VWA8: variants seen among roughly 807,000 people sequenced by gnomAD.
VWA8 encodes von Willebrand factor A domain-containing protein 8.
Under a neutral mutation model 241.5 loss-of-function variants are expected in VWA8, and 221 were observed. The ratio of observed to expected loss-of-function variants is 0.91; its 90% CI spans 0.82 to 1.02. The LOEUF is 1.02. Among genes scored for constraint, VWA8 ranks in the 50% least tolerant of loss-of-function variants. The pLI is 0.00. For synonymous variants in VWA8, 852 were observed against 827.1 expected (o/e 1.03, Z -0.52); for missense variants, 2,322 against 2,328.7 (o/e 1.00, Z 0.06).
intron 21 of VWA8, among the ~76,000 whole-genome samples, chr13:41,754,094 A>T (rs1301394271): frequency 1.3e-5 from 2 of 152,088 alleles, no homozygotes; most frequent in Non-Finnish European, 2.9e-5. Context: ...GTCAGTAAAA[A>T]ATCTTCAGTG....
At chr13:41,830,828 T>G (rs1467567677) in intron 13 of VWA8, among the ~76,000 whole-genome samples, 186 bp from the exon 14 acceptor site, 2 of 152,092 alleles carry the variant, frequency 1.3e-5, no homozygotes, top group Non-Finnish European at 2.9e-5. Context: ...TGTTGGTTTC[T>G]GTACTGGAGG....
At chr13:41,639,188 T>TA (rs1334276161) in intron 37 of VWA8, among the ~76,000 whole-genome samples, 1 of 152,120 alleles carries the variant, frequency 6.6e-6, no homozygotes, top group African/African-American at 2.4e-5. Flanking sequence ...GAAGAATTTT[T>TA]AAATTTCTAA....
chr13:41,654,575 T>C (rs1193245290), intron 37 of VWA8, among the ~76,000 whole-genome samples: 1 of 152,222 alleles, frequency 6.6e-6, no homozygotes, highest in Non-Finnish European at 1.5e-5. Flanking sequence ...TTCACGCTCC[T>C]GTGAGAATCT....
intron 2 of VWA8, among the ~76,000 whole-genome samples, chr13:41,928,584 G>C (rs1876954446): frequency 6.6e-6 from 1 of 151,968 alleles, no homozygotes; most frequent in Non-Finnish European, 1.5e-5. Flanking sequence ...AAAACCTGTG[G>C]GATGTAGCAA....
chr13:41,727,284 C>T lies in VWA8; in HGVS notation c.2668G>A (p.Val890Ile). The T allele has an allele frequency of 1.3e-6, 2 of 1,558,260 alleles. No individual in the cohort carries two copies. The highest frequency in any genetic ancestry group is 1.7e-6 in the Non-Finnish European group (2 of 1,151,040). ...CTAAAATCAGGATGAATCACTACAA[C>T]ATTTTCTCTTCCATTCACATTAGCA... is the stretch of plus-strand genomic sequence containing the variant. ...NSANVNGREN[V>I]VVIHPDFRMI... Residue 890 changes from valine (V) to isoleucine (I), a missense_variant, in exon 24 of 45, where the codon GTT (valine) becomes ATT (isoleucine). Val to Ile is a conservative substitution (Grantham distance 29, BLOSUM62 3). Coordinates refer to ENST00000379310, the MANE Select transcript of VWA8 (RefSeq NM_015058.2).
intron 4 of VWA8, among the ~76,000 whole-genome samples, chr13:41,901,623 G>A (rs1046769394): frequency 2.6e-5 from 4 of 151,788 alleles, no homozygotes; most frequent in Admixed American, 1.3e-4. Flanking sequence ...ATACCAGCAC[G>A]GTGGGAGGCC....
intron 21 of VWA8, among the ~76,000 whole-genome samples, chr13:41,742,408 G>GTTC (rs748115446): frequency 1.7e-4 from 26 of 152,184 alleles, no homozygotes; most frequent in Non-Finnish European, 2.4e-4. Context: ...AGACAGAGAT[G>GTTC]GGAATATGTA....
intron 12 of VWA8, among the ~76,000 whole-genome samples, chr13:41,859,463 T>TA (rs1448924259): frequency 1.3e-5 from 2 of 152,180 alleles, no homozygotes; most frequent in African/African-American, 4.8e-5. Context: ...CCCATAAACT[T>TA]ACGTGCACTT....
chr13:41,725,161 C>T (rs554373702), intron 24 of VWA8, among the ~76,000 whole-genome samples: 1 of 150,108 alleles, frequency 6.7e-6, no homozygotes, highest in South Asian at 2.1e-4. Context: ...GTAAGGGAGT[C>T]ATAAATGTGA....
chr13:41,600,244 TTAAA>T (rs918894547), intron 40 of VWA8, among the ~76,000 whole-genome samples: 23 of 152,174 alleles, frequency 1.5e-4, no homozygotes, highest in African/African-American at 5.5e-4. Flanking sequence ...TTTTGACTAC[TTAAA>T]TAATTTTAAT....
chr13:41,889,222 C>G (rs1193832095), intron 5 of VWA8, among the ~76,000 whole-genome samples: 2 of 152,106 alleles, frequency 1.3e-5, no homozygotes, highest in East Asian at 3.8e-4. Context: ...GTGAAGGGAT[C>G]TTATCTATAT....
At chr13:41,823,805 G>C (rs1871064864) in intron 14 of VWA8, among the ~76,000 whole-genome samples, 1 of 152,202 alleles carries the variant, frequency 6.6e-6, no homozygotes, top group Admixed American at 6.5e-5. Context: ...GAGATGTATA[G>C]TCTTGGTGAA....
intron 21 of VWA8, among the ~76,000 whole-genome samples, chr13:41,743,627 C>A (rs554357837): frequency 6.6e-6 from 1 of 152,194 alleles, no homozygotes; most frequent in East Asian, 1.9e-4. Flanking sequence ...AACATATCAG[C>A]GTTTGAGTTC....
At chr13:41,945,031 A>ATC (rs1877787637) in intron 2 of VWA8, among the ~76,000 whole-genome samples, 1 of 152,202 alleles carries the variant, frequency 6.6e-6, no homozygotes, top group Non-Finnish European at 1.5e-5. Context: ...GAAGGGCCTA[A>ATC]TCTCTCTCTC....
intron 40 of VWA8, among the ~76,000 whole-genome samples, chr13:41,600,805 G>A (rs1305075319): frequency 1.3e-5 from 2 of 151,812 alleles, no homozygotes; most frequent in Non-Finnish European, 2.9e-5. Context: ...CCCTTCCCTC[G>A]CATTCAGTGT....
chr13:41,599,872 C>T lies in VWA8; in HGVS notation c.4986+5296G>A, dbSNP rs115306860. Reference sequence around the variant, plus strand: ...CCTTTTTCCAGGGCTATTCCCCTTTCAGCTTCCTGCTTGTAGCCACTGCAT... The same window carrying T: ...CCTTTTTCCAGGGCTATTCCCCTTTTAGCTTCCTGCTTGTAGCCACTGCAT... On this transcript the variant is annotated intron_variant, in intron 40 of 44. Coordinates refer to ENST00000379310, the MANE Select transcript of VWA8 (RefSeq NM_015058.2). 5.3e-3 allele frequency among the ~76,000 whole-genome samples: 814 copies of T among 152,232 alleles called. 12 individuals carry two copies. Among genetic ancestry groups the T allele is most frequent in the African/African-American group, 0.019 (779 of 41,556 alleles).
intron 2 of VWA8, among the ~76,000 whole-genome samples, chr13:41,930,815 G>A: frequency 6.6e-6 from 1 of 152,072 alleles, no homozygotes; most frequent in African/African-American, 2.4e-5. Context: ...AATAACTCTG[G>A]TCCCAAGCAT....
At chr13:41,605,412 T>G (rs2044547551) in intron 39 of VWA8, 136 bp from the exon 40 acceptor site, 1 of 774,032 alleles carries the variant, frequency 1.3e-6, no homozygotes, top group Admixed American at 2.3e-5. Flanking sequence ...AGGCAAGAAG[T>G]GATGTCTCCA....
chr13:41,636,369 G>A (rs2044756734), intron 37 of VWA8, among the ~76,000 whole-genome samples: 1 of 152,160 alleles, frequency 6.6e-6, no homozygotes, highest in South Asian at 2.1e-4. Flanking sequence ...AAACTGGCTA[G>A]CCATATGTAG....
Sources: allele counts gnomAD v4.1 joint callset (sites outside exome capture counted in the v4.1 genomes callset), GRCh38; gene constraint gnomAD v4.1.1; transcripts MANE v1.5; gene names NCBI Gene and HGNC (gene_info 2026-07-23, HGNC 2026-07-21).